The following RYK variants were observed in gnomAD, a reference collection of about 807,000 sequenced individuals.
RYK encodes inactive tyrosine-protein kinase RYK.
A neutral mutation model predicts 70.2 loss-of-function variants in RYK; 21 were observed. The ratio of observed to expected loss-of-function variants is 0.30; its 90% CI spans 0.21 to 0.43. The LOEUF is 0.43. RYK is among the 20% of genes least tolerant of loss of function. The pLI, the probability that RYK is intolerant of heterozygous loss-of-function variation, is 1.00. For synonymous variants in RYK, 267 were observed against 278.0 expected (o/e 0.96, Z 0.39); for missense variants, 604 against 753.3 (o/e 0.80, Z 2.32).
intron 9 of RYK, 31 bp downstream of exon 9, chr3:134,188,806 T>A (rs2013552191): frequency 1.5e-6 from 2 of 1,320,694 alleles, no homozygotes; most frequent in East Asian, 2.4e-5. Flanking sequence ...CAGAAGAGCA[T>A]CATGGAAATA....
intron 13 of RYK, among the ~76,000 whole-genome samples, chr3:134,168,381 T>A (rs949445680): frequency 6.6e-6 from 1 of 152,146 alleles, no homozygotes; most frequent in African/African-American, 2.4e-5. Flanking sequence ...CAAATGTCCA[T>A]CAATGATAGA....
chr3:134,216,765 C>A (rs984752085), intron 2 of RYK, among the ~76,000 whole-genome samples: 1 of 123,946 alleles, frequency 8.1e-6, no homozygotes, highest in African/African-American at 3.2e-5. Context: ...TGCACTCCAG[C>A]CTGGGCGACA....
intron 9 of RYK, among the ~76,000 whole-genome samples, chr3:134,184,941 A>ATGG: frequency 6.8e-6 from 1 of 146,420 alleles, no homozygotes; most frequent in African/African-American, 2.5e-5. Flanking sequence ...GGCTGGCAAC[A>ATGG]TGGTGAAACC....
intron 1 of RYK, among the ~76,000 whole-genome samples, chr3:134,223,120 A>G (rs545281072): frequency 6.6e-6 from 1 of 152,346 alleles, no homozygotes; most frequent in South Asian, 2.1e-4. Context: ...TACAAAGGGA[A>G]GAACACTATG....
chr3:134,240,281 TA>T (rs1462585295), intron 1 of RYK, among the ~76,000 whole-genome samples: 5 of 151,676 alleles, frequency 3.3e-5, no homozygotes, highest in African/African-American at 1.2e-4. Context: ...ATGAGTGGAG[TA>T]GGGGTAAGGT....
intron 6 of RYK, among the ~76,000 whole-genome samples, chr3:134,199,291 T>C (rs1343323153): frequency 6.6e-6 from 1 of 152,262 alleles, no homozygotes; most frequent in Non-Finnish European, 1.5e-5. Flanking sequence ...TACCATCCCT[T>C]TCTAATGAAT....
In RYK at chr3:134,206,276, A is replaced by C. The variant is rs1026472993; in HGVS notation, c.643+1196T>G. Among the ~76,000 whole-genome samples the C allele has an allele frequency of 5.3e-5, 8 of 152,324 alleles. No individual in the cohort carries two copies. The South Asian group carries it at 1.7e-3, about 32-fold the overall frequency. ...ATCTATGGACTATTCTTACCAAAAG[A>C]GTTGGTTCTAAATCTAATCAAGTGC... On this transcript the variant is annotated intron_variant, in intron 5 of 14. Coordinates refer to ENST00000623711, the MANE Select transcript of RYK (RefSeq NM_002958.4).
chr3:134,217,139 A>G (rs2014581066), intron 2 of RYK, among the ~76,000 whole-genome samples: 1 of 152,244 alleles, frequency 6.6e-6, no homozygotes, highest in East Asian at 1.9e-4. Context: ...AGAAGCTGTG[A>G]TATGTGAAAC....
chr3:134,183,209 G>A, intron 9 of RYK, 138 bp from the exon 10 acceptor site: 2 of 443,682 alleles, frequency 4.5e-6, no homozygotes, highest in Non-Finnish European at 3.9e-6. Context: ...AATCTAAATA[G>A]ATCTAGATAA....
At chr3:134,178,164 A>C in intron 10 of RYK, 91 bp from the exon 11 acceptor site, 2 of 875,636 alleles carry the variant, frequency 2.3e-6, no homozygotes, top group Non-Finnish European at 3.5e-6. Flanking sequence ...ACAAAACAAA[A>C]TCCCCAAAAT....
chr3:134,221,738 T>C (rs2014745001), intron 2 of RYK, among the ~76,000 whole-genome samples: 1 of 152,206 alleles, frequency 6.6e-6, no homozygotes, highest in Non-Finnish European at 1.5e-5. Flanking sequence ...AATAAAATCC[T>C]ATTCAAAAGC....
intron 13 of RYK, among the ~76,000 whole-genome samples, chr3:134,174,871 T>C (rs946668881): frequency 6.6e-6 from 1 of 152,064 alleles, no homozygotes; most frequent in Non-Finnish European, 1.5e-5. Flanking sequence ...TTATGAGCCA[T>C]AACACTTAGA....
intron 9 of RYK, 50 bp from the exon 10 acceptor site, chr3:134,183,121 G>A: frequency 1.9e-6 from 2 of 1,079,318 alleles, no homozygotes; most frequent in Admixed American, 2.4e-5. Context: ...TACATATATG[G>A]CATTAACATT....
Position 134,159,405 on chromosome 3 carries a change from C to T in RYK, c.1576-32G>A, listed in dbSNP as rs758080989. Reference sequence around the variant, plus strand: ...AAGGAGCAGAAGCACAATGAGGGGACATTTAAAACAACAGTCAGGGGGCTA... The same window carrying T: ...AAGGAGCAGAAGCACAATGAGGGGATATTTAAAACAACAGTCAGGGGGCTA... On this transcript the variant is annotated intron_variant, in intron 13 of 14. Transcript: ENST00000623711. 1.9e-6 allele frequency: 3 copies of T among 1,549,604 alleles called. No homozygotes were observed. In the Admixed American group the frequency reaches 6.0e-5, roughly 31 times the overall value.
At chr3:134,194,191 A>G (rs954058387) in intron 7 of RYK, among the ~76,000 whole-genome samples, 1 of 152,244 alleles carries the variant, frequency 6.6e-6, no homozygotes, top group Non-Finnish European at 1.5e-5. Flanking sequence ...CACCAGCACC[A>G]TCTGGTTAAC....
rs183514920 is a variant in RYK at position 134,176,773 on chromosome 3, G to A, written c.1306-734C>T. Among the ~76,000 whole-genome samples the A allele has an allele frequency of 4.0e-4, 61 of 152,086 alleles. No homozygotes were observed. In the East Asian group the frequency reaches 5.0e-3, roughly 13 times the overall value. On this transcript the variant is annotated intron_variant, in intron 11 of 14. Coordinates refer to ENST00000623711, the MANE Select transcript of RYK (RefSeq NM_002958.4). ...CAAAAAACAAAAAAACCCTGCAGCT[G>A]GGTGCGGTGGCTCACATTTGTAATC...
intron 13 of RYK, among the ~76,000 whole-genome samples, chr3:134,161,788 C>T (rs995489323): frequency 2.0e-5 from 3 of 152,114 alleles, no homozygotes; most frequent in African/African-American, 7.2e-5. Flanking sequence ...ACAAAGAAAA[C>T]TCAACACTGT....
At chr3:134,234,171 G>A (rs369677378) in intron 1 of RYK, among the ~76,000 whole-genome samples, 40 of 151,936 alleles carry the variant, frequency 2.6e-4, no homozygotes, top group Middle Eastern at 6.8e-3. Context: ...ATACAGCTGC[G>A]ACAACTCATT....
chr3:134,188,912 G>A lies in RYK; in HGVS notation c.1027C>T (p.Arg343Cys), dbSNP rs752906721. Residue 343 changes from arginine (R) to cysteine (C), a missense_variant, in exon 9 of 15, where the codon CGT (arginine) becomes TGT (cysteine). This residue lies in a region of RYK where 466 missense variants were observed against 535.9 expected (regional missense o/e 0.87). Coordinates refer to ENST00000623711, the MANE Select transcript of RYK (RefSeq NM_002958.4). ...TCTATTAAAATCCCATGGAAAATAC[G>A]CCCAAAAGTACCTAAAAGGAAAAGT... ...KDVLQEGTFG[R>C]IFHGILIDEK... 17 of 1,547,938 alleles carry A rather than the reference G, an allele frequency of 1.1e-5. No individual in the cohort carries two copies. The East Asian group carries it at 1.8e-4, about 16-fold the overall frequency.
Sources: gnomAD v4.1 joint callset for allele counts (sites outside exome capture counted in the v4.1 genomes callset) on GRCh38, gnomAD v4.1.1 for gene constraint, gnomAD v4.1.1 regional missense constraint, MANE v1.5 for transcripts, NCBI Gene and HGNC (gene_info 2026-07-23, HGNC 2026-07-21) for gene names.